Variants in FAM13B observed in about 807,000 individuals in gnomAD.
FAM13B encodes family with sequence similarity 13 member B, also known as protein FAM13B.
In FAM13B, 60 loss-of-function variants were observed where a neutral mutation model predicts 117.3. The ratio of observed to expected loss-of-function variants is 0.51; its 90% CI spans 0.42 to 0.63. FAM13B has a LOEUF of 0.63. Among genes scored for constraint, FAM13B ranks in the 30% least tolerant of loss-of-function variants. The pLI is 0.00. For synonymous variants in FAM13B, 332 were observed against 356.1 expected (o/e 0.93, Z 0.76); for missense variants, 972 against 1,091.9 (o/e 0.89, Z 1.55).
At chr5:137,960,969 G>A (rs1767959186) in intron 11 of FAM13B, among the ~76,000 whole-genome samples, 2 of 152,154 alleles carry the variant, frequency 1.3e-5, no homozygotes, top group South Asian at 2.1e-4. Flanking sequence ...ACATCGAGAT[G>A]TCACTTCTAA....
intron 7 of FAM13B, among the ~76,000 whole-genome samples, chr5:138,000,398 C>CA (rs1561513369): frequency 6.6e-6 from 1 of 151,490 alleles, no homozygotes; most frequent in African/African-American, 2.4e-5. Context: ...GACCCTGTCT[C>CA]AAAAAAATAA....
chr5:137,985,488 C>T (rs796951560), intron 9 of FAM13B, 99 bp from the exon 10 acceptor site: 24 of 1,206,516 alleles, frequency 2.0e-5, no homozygotes, highest in Middle Eastern at 2.1e-4. Flanking sequence ...GAAACTTTTA[C>T]TTGTTAAAGA....
At chr5:137,961,328 A>T (rs1768050847) in intron 11 of FAM13B, among the ~76,000 whole-genome samples, 1 of 152,026 alleles carries the variant, frequency 6.6e-6, no homozygotes, top group Admixed American at 6.6e-5. Flanking sequence ...AACAACAACA[A>T]CAACAACAAC....
intron 7 of FAM13B, among the ~76,000 whole-genome samples, chr5:137,992,463 GC>G (rs1561504277): frequency 6.6e-6 from 1 of 151,738 alleles, no homozygotes; most frequent in South Asian, 2.1e-4. Flanking sequence ...GCATGGTGAC[GC>G]ATGCCTGTAA....
chr5:138,025,157 C>T (rs1787945561), intron 1 of FAM13B, among the ~76,000 whole-genome samples: 1 of 151,532 alleles, frequency 6.6e-6, no homozygotes, highest in African/African-American at 2.4e-5. Flanking sequence ...CACTCCCAGC[C>T]CCAAACAGCA....
In FAM13B at chr5:138,030,140, A is replaced by C. The variant is rs1340027318; in HGVS notation, c.-203+2642T>G. On this transcript the variant is annotated intron_variant, in intron 1 of 23. Transcript: ENST00000689681. ...GCTTCCTCCTTCCTATCATCAGTTC[A>C]AGTCCCATCCTTGGAGAGGCTTTCT... is the stretch of plus-strand genomic sequence containing the variant. 2.6e-5 allele frequency among the ~76,000 whole-genome samples: 4 copies of C among 152,184 alleles called. No homozygotes were observed. The East Asian group carries it at 7.7e-4, about 29-fold the overall frequency.
intron 18 of FAM13B, among the ~76,000 whole-genome samples, chr5:137,947,361 A>G (rs536124148): frequency 9.5e-4 from 145 of 152,312 alleles, no homozygotes; most frequent in Middle Eastern, 6.8e-3. Flanking sequence ...TGTGATTTCA[A>G]CCTCAAGCTT....
At chr5:138,028,578 T>C (rs753365814) in intron 1 of FAM13B, among the ~76,000 whole-genome samples, 1 of 152,208 alleles carries the variant, frequency 6.6e-6, no homozygotes, top group South Asian at 2.1e-4. Flanking sequence ...TTGTGAACTT[T>C]GACCATAAAA....
At chr5:138,038,709 C>T (rs1791374890) in intron 1 of FAM13B, 2 of 152,220 alleles carry the variant, frequency 1.3e-5, no homozygotes, top group Admixed American at 6.5e-5. Context: ...AGAGAAGAAA[C>T]TGTTCCAGGG....
chr5:137,949,465 C>T (rs1764320109), intron 17 of FAM13B, among the ~76,000 whole-genome samples: 1 of 151,786 alleles, frequency 6.6e-6, no homozygotes, highest in Non-Finnish European at 1.5e-5. Context: ...GAGTGAGACC[C>T]CATCTCTACA....
chr5:137,967,949 C>T (rs1019653463), intron 10 of FAM13B, among the ~76,000 whole-genome samples: 1 of 151,882 alleles, frequency 6.6e-6, no homozygotes, highest in Non-Finnish European at 1.5e-5. Flanking sequence ...GTAGGCCAGG[C>T]GCGGTGGCTC....
At chr5:137,949,225 T>G (rs1278995813) in intron 17 of FAM13B, 41 bp from the exon 18 acceptor site, 1 of 1,532,034 alleles carries the variant, frequency 6.5e-7, no homozygotes, top group Middle Eastern at 1.7e-4. Context: ...ATAATTGGTT[T>G]TAGCTTTGAC....
At chr5:137,963,525 A>G (rs1377201455) in intron 10 of FAM13B, among the ~76,000 whole-genome samples, 4 of 152,236 alleles carry the variant, frequency 2.6e-5, no homozygotes, top group Non-Finnish European at 5.9e-5. Context: ...TGTAAACAAA[A>G]GCTCTTTGGG....
intron 6 of FAM13B, 105 bp downstream of exon 6, chr5:138,010,903 T>A: frequency 8.6e-7 from 1 of 1,166,030 alleles, no homozygotes; most frequent in Non-Finnish European, 1.1e-6. Flanking sequence ...TACTTCCAGG[T>A]CAGATTTAAA....
intron 7 of FAM13B, among the ~76,000 whole-genome samples, chr5:138,006,696 C>T (rs1444091905): frequency 3.3e-5 from 5 of 152,196 alleles, no homozygotes; most frequent in Admixed American, 2.6e-4. Context: ...CCTTCTCTAA[C>T]GATGCTACTT....
At position 138,041,839 on chromosome 5, in the gene FAM13B, C is replaced by T. The variant is rs148080133; in HGVS notation, c.-203+10039G>A. ...ATCACCTGAACCTGGTAATTCAAGC[C>T]TGCAGTAAGCACCACCGCACTCCAG... On this transcript the variant is annotated intron_variant, in intron 1 of 3. Transcript: ENST00000502471. Among the ~76,000 whole-genome samples the T allele has an allele frequency of 1.5e-4, 22 of 151,630 alleles. 1 individual carries two copies. The highest frequency in any genetic ancestry group is 3.9e-4 in the African/African-American group (16 of 41,272).
rs752251684 is a variant in FAM13B at position 137,958,285 on chromosome 5, T to G, written c.1441+1331A>C. Among the ~76,000 whole-genome samples, 7 of 152,262 alleles carry G rather than the reference T, an allele frequency of 4.6e-5. No individual in the cohort carries two copies. In the Middle Eastern group the frequency reaches 0.01, roughly 222 times the overall value. On this transcript the variant is annotated intron_variant, in intron 13 of 23. Transcript: ENST00000689681. ...CTGAATAACCCAGAACAAAGCAAAT[T>G]AAAGACAACTTTCTAATTTAGTCTA...
chr5:138,018,820 T>C, intron 3 of FAM13B, 135 bp downstream of exon 3: 1 of 738,840 alleles, frequency 1.4e-6, no homozygotes, highest in Non-Finnish European at 2.1e-6. Flanking sequence ...CACTAAAACA[T>C]TAAAAAGAAT....
rs1760795567 is a variant in FAM13B, at chr5:137,938,569, G to C, written c.*1656C>G. On this transcript the variant is annotated 3_prime_UTR_variant, in exon 24 of 24. Coordinates refer to ENST00000689681, the MANE Select transcript of FAM13B (RefSeq NM_001385994.1). The stretch of plus-strand genomic sequence containing the variant: ...TATGAATAACCTAGTTGTATCAAAA[G>C]GAAACCACACAAAAAGGGCAGGATT... 6.6e-6 allele frequency: 1 copy of C among 152,428 alleles called. No individual in the cohort carries two copies. The highest frequency in any genetic ancestry group is 2.1e-4 in the South Asian group (1 of 4,818). 9.4% of individuals were successfully genotyped at this position (152,428 alleles called of 1,614,324 possible). A position where few individuals can be genotyped will look rare whatever the true frequency, so the allele number is the denominator to read the frequency against.
Sources: gnomAD v4.1 joint callset for allele counts (sites outside exome capture counted in the v4.1 genomes callset) on GRCh38, gnomAD v4.1.1 for gene constraint, MANE v1.5 for transcripts, NCBI Gene and HGNC (gene_info 2026-07-23, HGNC 2026-07-21) for gene names.